Variants in PLEKHM3 observed in about 807,000 individuals in gnomAD.
PLEKHM3 encodes pleckstrin homology domain-containing family M member 3.
Under a neutral mutation model 81.8 loss-of-function variants are expected in PLEKHM3, and 45 were observed. The observed-to-expected ratio is 0.55, with a 90% confidence interval of 0.43 to 0.71. The LOEUF (loss-of-function observed/expected upper bound fraction) is 0.71. Among genes scored for constraint, PLEKHM3 ranks in the 30% least tolerant of loss-of-function variants. The pLI is 0.00. For missense variants in PLEKHM3, 788 were observed against 924.3 expected (o/e 0.85, Z 1.91); for synonymous variants, 352 against 356.4 (o/e 0.99, Z 0.14).
At chr2:208,019,698 CTG>C (rs1693058862) in intron 1 of PLEKHM3, 1 of 152,212 alleles carries the variant, frequency 6.6e-6, no homozygotes, top group South Asian at 2.1e-4. Context: ...ATGCTAATCT[CTG>C]TGTTGTTCCA....
chr2:207,929,793 C>G (rs1689525501), intron 5 of PLEKHM3: 4 of 573,116 alleles, frequency 7.0e-6, no homozygotes, highest in African/African-American at 3.8e-5. Context: ...ACATTTAGTT[C>G]TTTTTTAGAT....
At position 207,823,963 on chromosome 2, in the gene PLEKHM3, G is replaced by A. The variant is rs1575254659; in HGVS notation, c.*4356C>T. ...CTACTGGGTGCTAGACTTAACTGTCGAAACACCGTTCCACATGACAGAAAT... is the reference window on the plus strand; with the variant it reads ...CTACTGGGTGCTAGACTTAACTGTCAAAACACCGTTCCACATGACAGAAAT... On this transcript the variant is annotated 3_prime_UTR_variant, in exon 8 of 8. Coordinates refer to ENST00000427836, the MANE Select transcript of PLEKHM3 (RefSeq NM_001080475.3). 2 of 152,276 alleles carry A rather than the reference G, an allele frequency of 1.3e-5. No individual in the cohort carries two copies. Among genetic ancestry groups the A allele is most frequent in the Middle Eastern group, 3.4e-3 (1 of 294 alleles). The allele number at this position is 152,276 out of a possible 1,614,324, so 9.4% of individuals were successfully genotyped here.
rs1692285036 is a variant in PLEKHM3, at chr2:208,001,146, G to T, written c.494C>A (p.Thr165Asn). The change falls in exon 2 of 8, where the codon ACC (threonine) becomes AAC (asparagine). Residue 165 changes from threonine to asparagine, a missense_variant. By Grantham distance (65) the Thr-to-Asn change is moderately conservative (BLOSUM62 0). Transcript: ENST00000427836. ...CTGTTGCTGCTGCTGCAAAGGCGTG[G>T]TTTTGAGGACTACCCTCCAGTCCAC... ...TQVDWRVVLK[T>N]TPLQQQQQQQ... is the part of the protein sequence containing the mutation. 11 of 1,612,808 alleles carry T rather than the reference G, an allele frequency of 6.8e-6. No individual in the cohort carries two copies. Among genetic ancestry groups the T allele is most frequent in the Non-Finnish European group, 9.3e-6 (11 of 1,179,388 alleles).
At chr2:207,852,171 A>T (rs922670899) in intron 7 of PLEKHM3, among the ~76,000 whole-genome samples, 1 of 152,188 alleles carries the variant, frequency 6.6e-6, no homozygotes, top group African/African-American at 2.4e-5. Context: ...TGTTTTGAAG[A>T]CTACAGGTGC....
At chr2:207,841,301 C>T (rs1168329138) in intron 7 of PLEKHM3, among the ~76,000 whole-genome samples, 3 of 150,946 alleles carry the variant, frequency 2.0e-5, no homozygotes, top group Non-Finnish European at 4.4e-5. Context: ...CCCATCTCTA[C>T]TAAAAATACA....
At position 207,865,801 on chromosome 2, in the gene PLEKHM3, A is replaced by AAAAAAAAAAAAATATAT; in HGVS notation, c.1951-4540_1951-4539insATATATTTTTTTTTTTT. On this transcript the variant is annotated intron_variant, in intron 6 of 7. Transcript: ENST00000427836. ...CGACTCAAAAAAAAAAAAAAAAAAA[A>AAAAAAAAAAAAATATAT]AGATATATATATATATATATATATA... Among the ~76,000 whole-genome samples, 7 of 25,288 alleles carry AAAAAAAAAAAAATATAT rather than the reference A, an allele frequency of 2.8e-4. 1 individual carries two copies. The highest frequency in any genetic ancestry group is 1.0e-3 in the African/African-American group (5 of 4,794). 16.6% of individuals were successfully genotyped at this position (25,288 alleles called of 152,430 possible).
At chr2:207,998,333 G>T (rs565400784) in intron 2 of PLEKHM3, among the ~76,000 whole-genome samples, 1 of 152,034 alleles carries the variant, frequency 6.6e-6, no homozygotes, top group Non-Finnish European at 1.5e-5. Context: ...GCAAGACCTC[G>T]TCTCTACTAA....
intron 6 of PLEKHM3, among the ~76,000 whole-genome samples, chr2:207,880,694 C>T (rs868636180): frequency 2.3e-5 from 3 of 130,216 alleles, no homozygotes; most frequent in East Asian, 2.5e-4. Flanking sequence ...ACCCGGGAGG[C>T]GGAGCCTGCA....
At chr2:207,926,489 T>C (rs941629831) in intron 5 of PLEKHM3, among the ~76,000 whole-genome samples, 1 of 152,110 alleles carries the variant, frequency 6.6e-6, no homozygotes, top group African/African-American at 2.4e-5. Context: ...TCCCAGAAAT[T>C]TCCCTAACAG....
chr2:207,976,600 G>A lies in PLEKHM3; in HGVS notation c.1546+51C>T, dbSNP rs768887707. ...ATTTTTAAAGTGAATTCCAATTGTGGGGTTCAGGATTGTTCTTTAATGAGC... is the reference window on the plus strand; with the variant it reads ...ATTTTTAAAGTGAATTCCAATTGTGAGGTTCAGGATTGTTCTTTAATGAGC... On this transcript the variant is annotated intron_variant, in intron 3 of 7. Coordinates refer to ENST00000427836, the MANE Select transcript of PLEKHM3 (RefSeq NM_001080475.3). This position sits in a 1 kb window ranked among gnomAD's most constrained non-coding sequence, Gnocchi z 4.1. 22 of 1,504,738 alleles carry A rather than the reference G, an allele frequency of 1.5e-5. No individual in the cohort carries two copies. The highest frequency in any genetic ancestry group is 1.8e-5 in the Non-Finnish European group (20 of 1,114,714). The allele number at this position is 1,504,738 out of a possible 1,614,324, so 93.2% of individuals were successfully genotyped here. A position where few individuals can be genotyped will look rare whatever the true frequency, so the allele number is the denominator to read the frequency against.
intron 7 of PLEKHM3, among the ~76,000 whole-genome samples, chr2:207,860,429 C>T (rs1036268675): frequency 3.3e-5 from 5 of 152,024 alleles, no homozygotes; most frequent in Admixed American, 3.3e-4. Context: ...GGGAAATGAG[C>T]CATGACATTC....
intron 6 of PLEKHM3, among the ~76,000 whole-genome samples, chr2:207,871,238 A>G (rs923585953): frequency 1.3e-5 from 2 of 152,234 alleles, no homozygotes; most frequent in Non-Finnish European, 2.9e-5. Flanking sequence ...ATGTTTGTAC[A>G]TAAACATAGA....
chr2:208,009,209 C>G (rs1559282004), intron 1 of PLEKHM3, among the ~76,000 whole-genome samples: 1 of 152,320 alleles, frequency 6.6e-6, no homozygotes, highest in Middle Eastern at 3.4e-3. Context: ...AATTCACACA[C>G]TCTTTACCTC....
At chr2:207,889,278 A>T (rs918349748) in intron 6 of PLEKHM3, among the ~76,000 whole-genome samples, 1 of 152,100 alleles carries the variant, frequency 6.6e-6, no homozygotes, top group African/African-American at 2.4e-5. Context: ...AGGCCAAGGA[A>T]AATGATTGCA....
At chr2:207,897,740 C>T (rs1380016000) in intron 6 of PLEKHM3, among the ~76,000 whole-genome samples, 1 of 152,200 alleles carries the variant, frequency 6.6e-6, no homozygotes, top group Non-Finnish European at 1.5e-5. Context: ...CTCACACTGG[C>T]GTGCTGGCCT....
At chr2:208,007,492 GAAAC>G (rs1257497982) in intron 1 of PLEKHM3, among the ~76,000 whole-genome samples, 1 of 152,198 alleles carries the variant, frequency 6.6e-6, no homozygotes, top group African/African-American at 2.4e-5. Context: ...CCTATCAGAT[GAAAC>G]AGACAGCTAG....
At chr2:207,862,083 A>AT (rs982394604) in intron 6 of PLEKHM3, among the ~76,000 whole-genome samples, 3 of 152,110 alleles carry the variant, frequency 2.0e-5, no homozygotes, top group African/African-American at 7.2e-5. Flanking sequence ...GCTTGCATAC[A>AT]TCCCTGAGTT....
chr2:207,978,800 A>T (rs1691417324), intron 2 of PLEKHM3, among the ~76,000 whole-genome samples: 1 of 152,202 alleles, frequency 6.6e-6, no homozygotes, highest in African/African-American at 2.4e-5. Context: ...TGCATGCCTG[A>T]GTCAGTATCA....
chr2:207,962,332 A>G (rs1367070446), intron 3 of PLEKHM3, among the ~76,000 whole-genome samples: 14 of 152,198 alleles, frequency 9.2e-5, no homozygotes, highest in Admixed American at 9.2e-4. Flanking sequence ...GAGCTTCCTC[A>G]TTGATGATCA....
Sources: gnomAD v4.1 joint callset for allele counts (sites outside exome capture counted in the v4.1 genomes callset) on GRCh38, gnomAD v4.1.1 for gene constraint, Gnocchi (gnomAD v3.1) non-coding constraint, MANE v1.5 for transcripts, NCBI Gene and HGNC (gene_info 2026-07-23, HGNC 2026-07-21) for gene names.